The following LAMA2 variants were observed in gnomAD, a reference collection of about 807,000 sequenced individuals.
LAMA2 encodes the protein laminin subunit alpha 2.
LAMA2 carries 269 observed loss-of-function variants against 364.8 expected under a neutral mutation model. The ratio of observed to expected loss-of-function variants is 0.74; its 90% CI spans 0.67 to 0.82. LAMA2 has a LOEUF of 0.82. Ranked by LOEUF, LAMA2 falls within the 40% of genes least tolerant of loss-of-function variation. LAMA2 has a pLI of 0.00. For missense variants in LAMA2, 3,807 were observed against 3,873.2 expected (o/e 0.98, Z 0.45); for synonymous variants, 1,379 against 1,370.6 (o/e 1.01, Z -0.14).
At chr6:129,042,064 A>G (rs116167840) in intron 1 of LAMA2, among the ~76,000 whole-genome samples, 2,317 of 150,752 alleles carry the variant, frequency 0.015, 71 homozygotes, top group African/African-American at 0.053. Context: ...TAACACTTTC[A>G]GAGGCTGAGG....
chr6:129,232,372 G>C (rs1324433578), intron 12 of LAMA2, among the ~76,000 whole-genome samples: 4 of 152,028 alleles, frequency 2.6e-5, no homozygotes, highest in Admixed American at 1.3e-4. Flanking sequence ...TTGTTAGAAG[G>C]CTGTCAGAAT....
intron 58 of LAMA2, among the ~76,000 whole-genome samples, chr6:129,492,965 G>A (rs573075004): frequency 6.6e-6 from 1 of 152,214 alleles, no homozygotes; most frequent in South Asian, 2.1e-4. Flanking sequence ...ACCAGCCTGG[G>A]CAACCACGGT....
chr6:129,401,929 C>T (rs2114693579), intron 38 of LAMA2, among the ~76,000 whole-genome samples: 1 of 152,186 alleles, frequency 6.6e-6, no homozygotes, highest in East Asian at 1.9e-4. Flanking sequence ...ACATGTGGGC[C>T]AGGCACGGTG....
chr6:129,094,010 T>C (rs1028309307), intron 3 of LAMA2, among the ~76,000 whole-genome samples: 1 of 152,312 alleles, frequency 6.6e-6, no homozygotes, highest in East Asian at 1.9e-4. Flanking sequence ...TTATAACTAC[T>C]GATTTTGAAG....
chr6:129,210,289 T>C (rs1274120861), intron 12 of LAMA2, among the ~76,000 whole-genome samples: 1 of 152,142 alleles, frequency 6.6e-6, no homozygotes, highest in Non-Finnish European at 1.5e-5. Flanking sequence ...TCTTATCCAA[T>C]AGTCTATCCT....
chr6:129,302,167 A>G (rs1271669537), intron 22 of LAMA2, among the ~76,000 whole-genome samples: 1 of 152,094 alleles, frequency 6.6e-6, no homozygotes, highest in Admixed American at 6.6e-5. Flanking sequence ...TTTCTTAAGA[A>G]CACTCCACAT....
chr6:129,030,018 C>T (rs1416706549), intron 1 of LAMA2, among the ~76,000 whole-genome samples: 2 of 152,022 alleles, frequency 1.3e-5, no homozygotes, highest in Non-Finnish European at 2.9e-5. Flanking sequence ...TCCTTCCTTT[C>T]AGATCCTTAT....
rs142227110 is a variant in LAMA2, at chr6:129,333,143, C to T, written c.4311+4731C>T. On this transcript the variant is annotated intron_variant, in intron 29 of 64. Coordinates refer to ENST00000421865, the MANE Select transcript of LAMA2 (RefSeq NM_000426.4). ...CTGACCTCAAGTGATCTGCCTGCCTCGGCCTCCCAAAGTTCAGGGATTACA... is the reference window on the plus strand; with the variant it reads ...CTGACCTCAAGTGATCTGCCTGCCTTGGCCTCCCAAAGTTCAGGGATTACA... 3.8e-3 allele frequency among the ~76,000 whole-genome samples: 585 copies of T among 152,120 alleles called. 4 individuals carry two copies. Among genetic ancestry groups the T allele is most frequent in the Middle Eastern group, 0.02 (6 of 294 alleles).
At chr6:128,955,878 G>A (rs1781111501) in intron 1 of LAMA2, among the ~76,000 whole-genome samples, 2 of 151,844 alleles carry the variant, frequency 1.3e-5, no homozygotes, top group Admixed American at 1.3e-4. Context: ...TTAAAGATGG[G>A]GTGTAGGTAG....
Position 129,478,775 on chromosome 6 carries a change from C to T in LAMA2, c.7534C>T (p.Pro2512Ser), listed in dbSNP as rs756669467. 2.5e-6 allele frequency: 4 copies of T among 1,612,690 alleles called. No homozygotes were observed. The South Asian group carries it at 3.3e-5, about 13-fold the overall frequency. ...SRTPYNILSS[P>S]DYVGVTKGCS... ...AACTCCGTACAATATACTCAGTAGT[C>T]CCGATTATGTTGGTGTTACCAAAGG... The change falls in exon 54 of 65, where the codon CCC becomes TCC. Residue 2512 changes from proline to serine, a missense_variant. Coordinates refer to ENST00000421865, the MANE Select transcript of LAMA2 (RefSeq NM_000426.4).
chr6:129,157,897 C>G lies in LAMA2; in HGVS notation c.1206+3214C>G. 27 of 1,614,188 alleles carry G rather than the reference C, an allele frequency of 1.7e-5. No individual in the cohort carries two copies. In the South Asian group the frequency reaches 3.0e-4, roughly 18 times the overall value. On this transcript the variant is annotated intron_variant, in intron 8 of 64. Coordinates refer to ENST00000421865, the MANE Select transcript of LAMA2 (RefSeq NM_000426.4). ...AGGCTTTCGTCCAGCACTTCTGGAG[C>G]CAGGTAGCGTTTGGTGCCCACCCTG...
intron 1 of LAMA2, among the ~76,000 whole-genome samples, chr6:128,982,945 CAT>C (rs1491269182): frequency 5.0e-5 from 5 of 100,624 alleles, no homozygotes; most frequent in Admixed American, 3.6e-4. Context: ...AGGAACTCAT[CAT>C]TTTTTTATGG....
At chr6:129,139,298 G>C (rs909604848) in intron 4 of LAMA2, among the ~76,000 whole-genome samples, 2 of 151,938 alleles carry the variant, frequency 1.3e-5, no homozygotes, top group Non-Finnish European at 2.9e-5. Flanking sequence ...TCAGACCTCT[G>C]AATCTGTGGA....
At chr6:128,937,794 G>T (rs1368679517) in intron 1 of LAMA2, among the ~76,000 whole-genome samples, 1 of 150,136 alleles carries the variant, frequency 6.7e-6, no homozygotes, top group Non-Finnish European at 1.5e-5. Flanking sequence ...ATTTATTTAT[G>T]CTCTAATATG....
intron 1 of LAMA2, among the ~76,000 whole-genome samples, chr6:128,912,981 G>GTTGA (rs1379823112): frequency 1.3e-5 from 2 of 152,092 alleles, no homozygotes; most frequent in Admixed American, 6.5e-5. Context: ...TTAAAACAGG[G>GTTGA]TTGACAAATT....
intron 51 of LAMA2, among the ~76,000 whole-genome samples, chr6:129,470,420 GT>G: frequency 6.6e-6 from 1 of 152,030 alleles, no homozygotes. Flanking sequence ...TCAATACATT[GT>G]AAGTAGATAT....
chr6:129,420,043 C>G (rs957838883), intron 40 of LAMA2, among the ~76,000 whole-genome samples: 2 of 151,750 alleles, frequency 1.3e-5, no homozygotes, highest in Non-Finnish European at 2.9e-5. Context: ...ATAGGAAATA[C>G]AGAAAAGCAA....
chr6:129,198,559 G>T (rs1781986468), intron 12 of LAMA2, among the ~76,000 whole-genome samples: 1 of 152,142 alleles, frequency 6.6e-6, no homozygotes, highest in Non-Finnish European at 1.5e-5. Context: ...CAATAGAGGG[G>T]ACACAAATCC....
intron 12 of LAMA2, among the ~76,000 whole-genome samples, chr6:129,217,199 A>AT: frequency 7.4e-6 from 1 of 136,006 alleles, no homozygotes; most frequent in Non-Finnish European, 1.7e-5. Flanking sequence ...AAAAAAAAAT[A>AT]ATAATAATAA....
Sources: allele counts gnomAD v4.1 joint callset (sites outside exome capture counted in the v4.1 genomes callset), GRCh38; gene constraint gnomAD v4.1.1; transcripts MANE v1.5; gene names NCBI Gene and HGNC (gene_info 2026-07-23, HGNC 2026-07-21).